The following PRKG2 variants were observed in gnomAD, a reference collection of about 807,000 sequenced individuals.
The protein encoded by PRKG2 is protein kinase cGMP-dependent 2.
Under a neutral mutation model 97.2 loss-of-function variants are expected in PRKG2, and 33 were observed. The observed-to-expected ratio is 0.34, with a 90% CI of 0.26 to 0.45. The LOEUF is 0.45. PRKG2 is among the 20% of genes least tolerant of loss of function. The pLI is 1.00. For synonymous variants in PRKG2, 330 were observed against 321.8 expected, an observed-to-expected ratio of 1.03 and a Z score of -0.27; for missense variants, 638 against 900.0, an observed-to-expected ratio of 0.71 and a Z score of 3.73.
chr4:81,196,082 G>C (rs547904859), intron 2 of PRKG2, among the ~76,000 whole-genome samples: 41 of 152,292 alleles, frequency 2.7e-4, no homozygotes, highest in African/African-American at 8.9e-4. Context: ...TGCTATGAGA[G>C]GGCCTGTGAG....
chr4:81,216,936 A>C (rs1434454997), upstream of PRKG2, among the ~76,000 whole-genome samples: 1 of 132,956 alleles, frequency 7.5e-6, no homozygotes, highest in Non-Finnish European at 1.6e-5. Flanking sequence ...TGTGTGTAGT[A>C]CCCCTGAATC....
chr4:81,100,848 A>C (rs1343318759), intron 17 of PRKG2, among the ~76,000 whole-genome samples: 2 of 152,190 alleles, frequency 1.3e-5, no homozygotes, highest in East Asian at 3.9e-4. Context: ...AGAATCTACA[A>C]TGAACTCAAA....
At chr4:81,158,614 A>C (rs1274726713) in intron 6 of PRKG2, among the ~76,000 whole-genome samples, 2 of 152,056 alleles carry the variant, frequency 1.3e-5, no homozygotes, top group African/African-American at 2.4e-5. Flanking sequence ...CTTCATATGG[A>C]ACCAAAAAAG....
At chr4:81,121,675 A>G (rs1288937998) in intron 14 of PRKG2, among the ~76,000 whole-genome samples, 1 of 152,148 alleles carries the variant, frequency 6.6e-6, no homozygotes, top group African/African-American at 2.4e-5. Context: ...TATGGAATTC[A>G]TGTGCCCTCT....
At position 81,144,204 on chromosome 4, in the gene PRKG2, C is replaced by T. The variant is rs200322632; in HGVS notation, c.1253+28G>A. 461 of 1,562,946 alleles carry T rather than the reference C, an allele frequency of 2.9e-4. 4 individuals are homozygous for T. In the East Asian group the frequency reaches 9.4e-3, roughly 32 times the overall value. ...TTTATTGGCTGCCAGAAGTCAGCTC[C>T]GGCTCAGGAAAACATTCCTCCACTT... is the stretch of plus-strand genomic sequence containing the variant. On this transcript the variant is annotated intron_variant, in intron 10 of 18. Transcript: ENST00000264399.
At chr4:81,119,653 G>A (rs1478440600) in intron 14 of PRKG2, among the ~76,000 whole-genome samples, 1 of 151,736 alleles carries the variant, frequency 6.6e-6, no homozygotes, top group African/African-American at 2.4e-5. Flanking sequence ...ATAACCTGCT[G>A]AGATTTTGAT....
rs1480807616 is a variant in PRKG2 at position 81,188,208 on chromosome 4, T to A, written c.462-13249A>T. On this transcript the variant is annotated intron_variant, in intron 2 of 18. Transcript: ENST00000264399. Reference sequence around the variant, plus strand: ...ACAAACAACCCCATCAAACAGTGGGTGAAGGACATGAACAGACACTTCTCA... The same window carrying A: ...ACAAACAACCCCATCAAACAGTGGGAGAAGGACATGAACAGACACTTCTCA... Among the ~76,000 whole-genome samples the A allele has an allele frequency of 4.7e-3, 700 of 149,108 alleles. 7 individuals are homozygous for A. Among genetic ancestry groups the A allele is most frequent in the African/African-American group, 0.017 (656 of 38,670 alleles).
chr4:81,171,842 A>C, intron 3 of PRKG2, 38 bp from the exon 4 acceptor site: 3 of 1,409,434 alleles, frequency 2.1e-6, no homozygotes, highest in Non-Finnish European at 2.0e-6. Flanking sequence ...CACACAAATA[A>C]TCGAAATCCG....
chr4:81,100,052 T>G (rs769602337), intron 17 of PRKG2, among the ~76,000 whole-genome samples: 1 of 151,656 alleles, frequency 6.6e-6, no homozygotes, highest in African/African-American at 2.4e-5. Context: ...CACTGCTCGA[T>G]GAAATAAAAG....
At chr4:81,142,394 C>T (rs1747381905) in intron 11 of PRKG2, among the ~76,000 whole-genome samples, 1 of 152,174 alleles carries the variant, frequency 6.6e-6, no homozygotes, top group African/African-American at 2.4e-5. Flanking sequence ...GAATATTTCA[C>T]CTCTATGGCA....
chr4:81,142,655 T>G, intron 11 of PRKG2, 139 bp downstream of exon 11: 1 of 1,130,822 alleles, frequency 8.8e-7, no homozygotes. Flanking sequence ...GAGTGAAAAG[T>G]TTACTTTCTC....
intron 2 of PRKG2, chr4:81,192,140 C>A (rs1428759214): frequency 6.6e-6 from 1 of 152,054 alleles, no homozygotes; most frequent in African/African-American, 2.4e-5. Context: ...AATTAGTGAA[C>A]CTCTGTTACA....
At chr4:81,123,085 T>C (rs1029114417) in intron 14 of PRKG2, among the ~76,000 whole-genome samples, 1 of 152,232 alleles carries the variant, frequency 6.6e-6, no homozygotes, top group African/African-American at 2.4e-5. Flanking sequence ...ATGAAGTGTA[T>C]TATTTGTGTT....
At chr4:81,133,297 T>A (rs1037756299) in intron 14 of PRKG2, among the ~76,000 whole-genome samples, 4 of 152,140 alleles carry the variant, frequency 2.6e-5, no homozygotes, top group Non-Finnish European at 5.9e-5. Context: ...AATTTGATAT[T>A]TTTTTCTTGT....
chr4:81,194,093 CCTAT>C (rs1426515144), intron 2 of PRKG2, among the ~76,000 whole-genome samples: 1 of 152,254 alleles, frequency 6.6e-6, no homozygotes, highest in South Asian at 2.1e-4. Context: ...CCTTTGCATG[CCTAT>C]CTCTTAGAAT....
intron 17 of PRKG2, among the ~76,000 whole-genome samples, chr4:81,096,761 T>G (rs564999880): frequency 6.6e-6 from 1 of 152,324 alleles, no homozygotes; most frequent in East Asian, 1.9e-4. Context: ...ATTGCAACAT[T>G]CAGTTGTATG....
chr4:81,195,430 A>G (rs1283719918), intron 2 of PRKG2, among the ~76,000 whole-genome samples: 1 of 152,154 alleles, frequency 6.6e-6, no homozygotes, highest in Non-Finnish European at 1.5e-5. Flanking sequence ...TTAACCATTT[A>G]TAAGTGAACA....
At chr4:81,156,213 C>T (rs1228589843) in intron 6 of PRKG2, among the ~76,000 whole-genome samples, 2 of 151,602 alleles carry the variant, frequency 1.3e-5, no homozygotes, top group Non-Finnish European at 2.9e-5. Context: ...CACATAGGCT[C>T]AAAATAAAAG....
Position 81,153,568 on chromosome 4 carries a change from G to A in PRKG2, c.990+76C>T, listed in dbSNP as rs921588409. On this transcript the variant is annotated intron_variant, in intron 7 of 18. Coordinates refer to ENST00000264399, the MANE Select transcript of PRKG2 (RefSeq NM_006259.3). ...CAAAGTGGAGGACCTATGTTGCAAT[G>A]CAAAGCATAGTTGAGTTTATGGCAA... 2.0e-5 allele frequency: 24 copies of A among 1,192,192 alleles called. 1 individual carries two copies. In the Admixed American group the frequency reaches 3.9e-4, roughly 19 times the overall value. 73.9% of individuals were successfully genotyped at this position (1,192,192 alleles called of 1,614,324 possible). A position where few individuals can be genotyped will look rare whatever the true frequency, so the allele number is the denominator to read the frequency against.
Sources: allele counts gnomAD v4.1 joint callset (sites outside exome capture counted in the v4.1 genomes callset), GRCh38; gene constraint gnomAD v4.1.1; transcripts MANE v1.5; gene names NCBI Gene and HGNC (gene_info 2026-07-23, HGNC 2026-07-21).